The following IL27RA variants were observed in gnomAD, a reference collection of about 807,000 sequenced individuals.
IL27RA encodes interleukin 27 receptor subunit alpha.
IL27RA carries 61 observed loss-of-function variants against 80.8 expected under a neutral mutation model. That is an observed-to-expected ratio of 0.76 (90% CI 0.61 to 0.93). The LOEUF is 0.93. Ranked by LOEUF, IL27RA falls within the 40% of genes least tolerant of loss-of-function variation. The pLI, the probability that IL27RA is intolerant of heterozygous loss-of-function variation, is 0.00. For synonymous variants in IL27RA, 316 were observed against 332.5 expected (o/e 0.95, Z 0.54); for missense variants, 735 against 808.1 (o/e 0.91, Z 1.10).
intron 11 of IL27RA, among the ~76,000 whole-genome samples, 188 bp from the exon 12 acceptor site, chr19:14,051,419 G>C (rs1976161337): frequency 6.6e-6 from 1 of 150,564 alleles, no homozygotes; most frequent in African/African-American, 2.5e-5. Context: ...GTGGCGTGCG[G>C]CTGTAATCCC....
chr19:14,051,075 C>T (rs545347891), intron 11 of IL27RA, among the ~76,000 whole-genome samples, 192 bp downstream of exon 11: 14 of 151,626 alleles, frequency 9.2e-5, no homozygotes, highest in Admixed American at 6.6e-4. Flanking sequence ...ATAGTGAGAC[C>T]CCCTTCTCTA....
At chr19:14,041,205 CT>C (rs1306685075) in intron 4 of IL27RA, among the ~76,000 whole-genome samples, 14 of 137,774 alleles carry the variant, frequency 1.0e-4, no homozygotes, top group Admixed American at 1.5e-4. Flanking sequence ...ACCCGGCCCC[CT>C]TTTTTTTTTG....
In IL27RA at chr19:14,046,698, G is replaced by A. The variant is rs541902609; in HGVS notation, c.1141+80G>A. On this transcript the variant is annotated intron_variant, in intron 8 of 13. Coordinates refer to ENST00000263379, the MANE Select transcript of IL27RA (RefSeq NM_004843.4). Reference sequence around the variant, plus strand: ...GTGGACTTGTAAGAGGGAGTGCTATGATTAAAGTAGCGTGATGGCCGGGCT... The same window carrying A: ...GTGGACTTGTAAGAGGGAGTGCTATAATTAAAGTAGCGTGATGGCCGGGCT... The A allele has an allele frequency of 7.4e-6, 10 of 1,348,346 alleles. No individual in the cohort carries two copies. In the South Asian group the frequency reaches 1.4e-4, roughly 19 times the overall value. The allele number at this position is 1,348,346 out of a possible 1,614,324, so 83.5% of individuals were successfully genotyped here.
In IL27RA at chr19:14,049,044, C is replaced by T. The variant is rs200162447; in HGVS notation, c.1205C>T (p.Ala402Val). The T allele has an allele frequency of 3.0e-4, 490 of 1,613,948 alleles. 5 individuals are homozygous for T. The South Asian group carries it at 4.3e-3, about 14-fold the overall frequency. ...ACCGCAGTCTCTGCTTCAGGCTTGG[C>T]CTCTGCATCCTCCGTCTGGGGGTTC... ...TVTAVSASGL[A>V]SASSVWGFRE... Residue 402 changes from alanine to valine, a missense_variant, in exon 9 of 14, where the codon GCC becomes GTC. Ala to Val is a moderately conservative substitution (Grantham distance 64). Transcript: ENST00000263379.
intron 8 of IL27RA, among the ~76,000 whole-genome samples, chr19:14,047,956 C>T (rs976985854): frequency 2.3e-4 from 35 of 150,810 alleles, no homozygotes; most frequent in African/African-American, 8.3e-4. Context: ...GCCACCGCAC[C>T]CGGCATTTTT....
rs1975827796 is a variant in IL27RA at position 14,032,235 on chromosome 19, C to G, written c.101-151C>G. ...AGGGAAAGGGGGGGTTTGCACGGAG[C>G]CCGGGCAGGGGTGCCTAGCGCCTCC... On this transcript the variant is annotated intron_variant, in intron 1 of 13. Transcript: ENST00000263379. 10 of 726,848 alleles carry G rather than the reference C, an allele frequency of 1.4e-5. 1 individual carries two copies. The South Asian group carries it at 1.7e-4, about 12-fold the overall frequency. 45.0% of individuals were successfully genotyped at this position (726,848 alleles called of 1,614,324 possible). A position where few individuals can be genotyped will look rare whatever the true frequency, so the allele number is the denominator to read the frequency against.
rs1976059985 is a variant in IL27RA at position 14,046,048 on chromosome 19, C to A, written c.769-106C>A. On this transcript the variant is annotated intron_variant, in intron 6 of 13. Transcript: ENST00000263379. The stretch of plus-strand genomic sequence containing the variant: ...CTCAAAAAACAAACAAACAAACAAA[C>A]AAAAAATGCTTCACTGACCGGTGGT... The A allele has an allele frequency of 9.5e-6, 10 of 1,049,322 alleles. No homozygotes were observed. In the South Asian group the frequency reaches 1.3e-4, roughly 13 times the overall value. 65.0% of individuals were successfully genotyped at this position (1,049,322 alleles called of 1,614,324 possible). A position where few individuals can be genotyped will look rare whatever the true frequency, so the allele number is the denominator to read the frequency against.
chr19:14,035,676 G>A (rs1417900849), intron 2 of IL27RA, among the ~76,000 whole-genome samples: 3 of 151,884 alleles, frequency 2.0e-5, no homozygotes, highest in Non-Finnish European at 4.4e-5. Flanking sequence ...ATTACAGGCA[G>A]AAGCCACTGA....
chr19:14,035,168 T>C (rs1379013701), intron 2 of IL27RA, among the ~76,000 whole-genome samples: 1 of 151,792 alleles, frequency 6.6e-6, no homozygotes, highest in Non-Finnish European at 1.5e-5. Context: ...TTTTTAAATA[T>C]ATATTTTTAG....
Position 14,050,788 on chromosome 19 carries a change from C to G in IL27RA, c.1433C>G (p.Pro478Arg), listed in dbSNP as rs1185583378. 1 of 1,613,608 alleles carries G rather than the reference C, an allele frequency of 6.2e-7. No homozygotes were observed. The highest frequency in any genetic ancestry group is 1.7e-5 in the Admixed American group (1 of 59,992). Residue 478 changes from proline (P) to arginine (R), a missense_variant, in exon 11 of 14, where the codon CCT becomes CGT. By Grantham distance (103) the Pro-to-Arg change is moderately radical (BLOSUM62 -2). Coordinates refer to ENST00000263379, the MANE Select transcript of IL27RA (RefSeq NM_004843.4). ...VSGNTQSVTL[P>R]DLPWGPCELW... ...GGCAACACACAGAGTGTCACCCTGC[C>G]TGACCTTCCTTGGGGTCCCTGTGAG...
In IL27RA at chr19:14,042,628, C is replaced by T. The variant is rs1568501319; in HGVS notation, c.694+16C>T. ...CCGCCTTCTGGTGAGGATATCTGGGCTTGCCCTCAATCCACGCCCCTCCCA... is the reference window on the plus strand; with the variant it reads ...CCGCCTTCTGGTGAGGATATCTGGGTTTGCCCTCAATCCACGCCCCTCCCA... On this transcript the variant is annotated intron_variant, in intron 5 of 13. Coordinates refer to ENST00000263379, the MANE Select transcript of IL27RA (RefSeq NM_004843.4). 6.2e-7 allele frequency: 1 copy of T among 1,614,058 alleles called. No homozygotes were observed. Among genetic ancestry groups the T allele is most frequent in the Non-Finnish European group, 8.5e-7 (1 of 1,179,944 alleles).
At chr19:14,049,389 C>A in intron 10 of IL27RA, 75 bp downstream of exon 10, 1 of 1,499,282 alleles carries the variant, frequency 6.7e-7, no homozygotes, top group Non-Finnish European at 9.0e-7. Flanking sequence ...CACCCCTTGT[C>A]CCCACGTGGG....
At chr19:14,038,562 G>A (rs1211367137) in intron 2 of IL27RA, among the ~76,000 whole-genome samples, 1 of 123,642 alleles carries the variant, frequency 8.1e-6, no homozygotes, top group African/African-American at 3.6e-5. Flanking sequence ...GTGAGGTCGT[G>A]TCTCTAAAAA....
rs1349668192 is a variant in IL27RA, at chr19:14,052,925, G to GA, written c.*641dup. 1 of 141,678 alleles carries GA rather than the reference G, an allele frequency of 7.1e-6. No individual in the cohort carries two copies. The highest frequency in any genetic ancestry group is 1.6e-5 in the Non-Finnish European group (1 of 63,936). 8.8% of individuals were successfully genotyped at this position (141,678 alleles called of 1,614,324 possible). Reference sequence around the variant, plus strand: ...AAGCAAAAAAAAAAAAAAAAGAAAAGAAAAAACACTGCATTTGGGCACCAT... The same window carrying GA: ...AAGCAAAAAAAAAAAAAAAAGAAAAGAAAAAAACACTGCATTTGGGCACCAT... On this transcript the variant is annotated 3_prime_UTR_variant, in exon 14 of 14. Transcript: ENST00000263379.
At chr19:14,045,050 G>A (rs114803265) in intron 6 of IL27RA, among the ~76,000 whole-genome samples, 1,519 of 151,084 alleles carry the variant, frequency 0.01, 31 homozygotes, top group African/African-American at 0.034. Context: ...TCCTGAACCC[G>A]GGGAGGTTGC....
intron 6 of IL27RA, among the ~76,000 whole-genome samples, chr19:14,045,290 GAA>G (rs998564347): frequency 9.4e-6 from 1 of 106,430 alleles, no homozygotes; most frequent in Non-Finnish European, 2.0e-5. Context: ...ATGTCAAAAA[GAA>G]AAAAAAAAAA....
intron 2 of IL27RA, among the ~76,000 whole-genome samples, chr19:14,036,320 T>C (rs1975897534): frequency 6.6e-6 from 1 of 151,788 alleles, no homozygotes; most frequent in Admixed American, 6.6e-5. Context: ...GCCATCATCT[T>C]CTCCCCCTAG....
chr19:14,041,388 G>C (rs535427571), intron 4 of IL27RA, among the ~76,000 whole-genome samples: 1 of 149,594 alleles, frequency 6.7e-6, no homozygotes, highest in East Asian at 2.0e-4. Flanking sequence ...TTTTAATAGA[G>C]ATGGGGTTTC....
At chr19:14,034,560 T>C (rs530464515) in intron 2 of IL27RA, among the ~76,000 whole-genome samples, 1 of 151,508 alleles carries the variant, frequency 6.6e-6, no homozygotes, top group South Asian at 2.1e-4. Flanking sequence ...TTTGGGAGTC[T>C]GAGGCAGGAG....
Sources: allele counts gnomAD v4.1 joint callset (sites outside exome capture counted in the v4.1 genomes callset), GRCh38; gene constraint gnomAD v4.1.1; transcripts MANE v1.5; gene names NCBI Gene and HGNC (gene_info 2026-07-23, HGNC 2026-07-21).